POU2F1: variants seen among roughly 807,000 people sequenced by gnomAD.
POU2F1 encodes the protein POU domain, class 2, transcription factor 1.
In POU2F1, 16 loss-of-function variants were observed where a neutral mutation model predicts 84.9. The observed-to-expected ratio is 0.19, with a 90% CI of 0.13 to 0.29. The LOEUF (loss-of-function observed/expected upper bound fraction) is 0.29, where lower values mean the gene tolerates loss of function less well. POU2F1 is among the 10% of genes least tolerant of loss of function. The pLI, the probability that POU2F1 is intolerant of heterozygous loss-of-function variation, is 1.00. For synonymous variants in POU2F1, 368 were observed against 368.3 expected (o/e 1.00, Z 0.01); for missense variants, 738 against 942.6 (o/e 0.78, Z 2.84).
At chr1:167,317,492 C>T (rs149546221) in intron 1 of POU2F1, among the ~76,000 whole-genome samples, 35 of 152,228 alleles carry the variant, frequency 2.3e-4, no homozygotes, top group Admixed American at 4.6e-4. Context: ...CTGAGAGCCA[C>T]GAACAGAGCT....
intron 1 of POU2F1, among the ~76,000 whole-genome samples, chr1:167,269,545 AAGG>A (rs760926777): frequency 3.3e-5 from 5 of 152,230 alleles, no homozygotes; most frequent in Non-Finnish European, 5.9e-5. Context: ...GAGAGTGACA[AAGG>A]AGGAGAAGGA....
At chr1:167,287,893 G>A (rs1198699815) in intron 1 of POU2F1, among the ~76,000 whole-genome samples, 2 of 152,080 alleles carry the variant, frequency 1.3e-5, no homozygotes, top group Admixed American at 1.3e-4. Flanking sequence ...TTAATAGAGA[G>A]TAGAAAAAAA....
At chr1:167,282,190 T>C (rs266824) in intron 1 of POU2F1, among the ~76,000 whole-genome samples, 15,593 of 151,580 alleles carry the variant, frequency 0.1, 2,092 homozygotes, top group African/African-American at 0.32. Context: ...TCGCCCAGGC[T>C]GGAATGCAGT....
chr1:167,283,618 A>G (rs16858873), intron 1 of POU2F1, among the ~76,000 whole-genome samples: 23,514 of 152,218 alleles, frequency 0.15, 2,064 homozygotes, highest in Non-Finnish European at 0.2. Context: ...ATTTGGTGAC[A>G]TGAGACTAGA....
chr1:167,350,690 A>G (rs1251696412), intron 2 of POU2F1, among the ~76,000 whole-genome samples: 2 of 150,230 alleles, frequency 1.3e-5, no homozygotes, highest in Admixed American at 6.6e-5. Flanking sequence ...AAAAAAAAAA[A>G]GAAAAGAAAA....
intron 1 of POU2F1, among the ~76,000 whole-genome samples, chr1:167,269,423 G>C (rs534669320): frequency 2.2e-4 from 34 of 152,298 alleles, no homozygotes; most frequent in African/African-American, 7.7e-4. Context: ...AGAATAAATA[G>C]CTGATGACTG....
At chr1:167,415,202 A>C (rs1245602664) in intron 15 of POU2F1, among the ~76,000 whole-genome samples, 1 of 152,232 alleles carries the variant, frequency 6.6e-6, no homozygotes, top group African/African-American at 2.4e-5. Context: ...AATGAAATAA[A>C]CTGGTGATTT....
chr1:167,243,267 TAAG>T (rs1479024093), intron 1 of POU2F1, among the ~76,000 whole-genome samples: 3 of 152,214 alleles, frequency 2.0e-5, no homozygotes, highest in Non-Finnish European at 4.4e-5. Flanking sequence ...TTTAGGCACT[TAAG>T]AAAATCTAGG....
chr1:167,323,688 C>CTATT (rs201333646), intron 1 of POU2F1, among the ~76,000 whole-genome samples: 3,811 of 152,016 alleles, frequency 0.025, 96 homozygotes, highest in African/African-American at 0.056. Flanking sequence ...TTTAATCACA[C>CTATT]TATTTATTTA....
At chr1:167,247,027 G>T (rs1375861801) in intron 1 of POU2F1, among the ~76,000 whole-genome samples, 1 of 98,364 alleles carries the variant, frequency 1.0e-5, no homozygotes, top group African/African-American at 3.2e-5. Context: ...AGTAAATCAG[G>T]TTATATATAT....
intron 1 of POU2F1, among the ~76,000 whole-genome samples, chr1:167,245,992 A>G (rs1209881407): frequency 1.3e-5 from 2 of 152,254 alleles, no homozygotes; most frequent in African/African-American, 4.8e-5. Flanking sequence ...TGAAAATCTA[A>G]GTTTATTTCT....
chr1:167,301,108 G>A (rs1479803341), intron 1 of POU2F1, among the ~76,000 whole-genome samples: 2 of 152,072 alleles, frequency 1.3e-5, no homozygotes, highest in Admixed American at 1.3e-4. Flanking sequence ...CCAAGGAACT[G>A]TCATATTAAA....
intron 1 of POU2F1, among the ~76,000 whole-genome samples, chr1:167,285,401 G>A (rs373233060): frequency 1.1e-3 from 160 of 152,238 alleles, no homozygotes; most frequent in African/African-American, 3.7e-3. Context: ...TCAGGAGATC[G>A]AGACCATGGT....
At chr1:167,321,659 C>G (rs1656319300) in intron 1 of POU2F1, among the ~76,000 whole-genome samples, 1 of 152,194 alleles carries the variant, frequency 6.6e-6, no homozygotes, top group South Asian at 2.1e-4. Context: ...TCCAAATTGG[C>G]TTATCTGTTA....
At chr1:167,372,173 C>T (rs1340706085) in intron 5 of POU2F1, 137 bp downstream of exon 5, 4 of 1,101,244 alleles carry the variant, frequency 3.6e-6, no homozygotes, top group Non-Finnish European at 5.1e-6. Flanking sequence ...TAAGGAACTT[C>T]CTACACTGTA....
rs147770215 is a variant in POU2F1 at position 167,381,603 on chromosome 1, C to CTTTTTTTTTTTTTTTTTTTTTTTTT, written c.719-2253_719-2229dup. Among the ~76,000 whole-genome samples the CTTTTTTTTTTTTTTTTTTTTTTTTT allele has an allele frequency of 3.0e-5, 2 of 65,988 alleles. 1 individual carries two copies. 43.3% of individuals were successfully genotyped at this position (65,988 alleles called of 152,430 possible). On this transcript the variant is annotated intron_variant, in intron 7 of 15. Transcript: ENST00000367866. The stretch of plus-strand genomic sequence containing the variant: ...ATTTCTGACCTTTGTGCTCTCTTCT[C>CTTTTTTTTTTTTTTTTTTTTTTTTT]TTTTTTTTTTTTTTTTTTTTTTTTT...
intron 13 of POU2F1, among the ~76,000 whole-genome samples, chr1:167,403,664 C>T (rs911452556): frequency 3.3e-5 from 5 of 152,156 alleles, no homozygotes; most frequent in African/African-American, 1.2e-4. Context: ...AATCATACAA[C>T]TTATGTAATG....
chr1:167,294,428 G>A (rs966272801), intron 1 of POU2F1, among the ~76,000 whole-genome samples: 3 of 152,064 alleles, frequency 2.0e-5, no homozygotes, highest in South Asian at 4.2e-4. Context: ...GGGACCTAAC[G>A]GAATCAAAAA....
intron 1 of POU2F1, among the ~76,000 whole-genome samples, chr1:167,329,614 A>G (rs1656945489): frequency 1.3e-5 from 2 of 152,152 alleles, no homozygotes; most frequent in South Asian, 2.1e-4. Flanking sequence ...ATGTAGTTAT[A>G]AAAACATCTT....
Sources: gnomAD v4.1 joint callset for allele counts (sites outside exome capture counted in the v4.1 genomes callset) on GRCh38, gnomAD v4.1.1 for gene constraint, MANE v1.5 for transcripts, NCBI Gene and HGNC (gene_info 2026-07-23, HGNC 2026-07-21) for gene names.